TGFBR3: variants seen among roughly 807,000 people sequenced by gnomAD.
TGFBR3 encodes the protein transforming growth factor beta receptor 3.
In TGFBR3, 46 loss-of-function variants were observed where a neutral mutation model predicts 87.9. The ratio of observed to expected loss-of-function variants is 0.52; its 90% confidence interval spans 0.41 to 0.67. TGFBR3 has a LOEUF of 0.67. Ranked by LOEUF, TGFBR3 falls within the 30% of genes least tolerant of loss-of-function variation. The probability of loss-of-function intolerance (pLI) is 0.00; values close to 1 mark genes in which losing one functional copy is unlikely to be tolerated. For synonymous variants in TGFBR3, 381 were observed against 391.6 expected (o/e 0.97, Z 0.32); for missense variants, 866 against 1,041.9 (o/e 0.83, Z 2.32).
chr1:91,720,169 G>A lies in TGFBR3; in HGVS notation c.1137C>T (p.Asp379=). ...TCTGCAGGGCAGGCAGGGCACCAGG[G>A]TCCAGCAGGATCCGTAGCTCAGGAG... ...TIPPELRILL[D]PGALPALQNP... Residue 379 remains aspartate (D), a synonymous_variant, in exon 9 of 17, where the codon GAC becomes GAT. Coordinates refer to ENST00000212355, the MANE Select transcript of TGFBR3 (RefSeq NM_003243.5). 6.2e-7 allele frequency: 1 copy of A among 1,613,468 alleles called. No homozygotes were observed. The highest frequency in any genetic ancestry group is 8.5e-7 in the Non-Finnish European group (1 of 1,179,780).
Position 91,758,865 on chromosome 1 carries a change from A to C in TGFBR3, c.247-115T>G, listed in dbSNP as rs17884263. 6.7e-5 allele frequency: 85 copies of C among 1,265,976 alleles called. No individual in the cohort carries two copies. The African/African-American group carries it at 1.1e-3, about 17-fold the overall frequency. The allele number at this position is 1,265,976 out of a possible 1,614,324, so 78.4% of individuals were successfully genotyped here. The stretch of plus-strand genomic sequence containing the variant: ...CTCACTATCAACAGAAACAAGCTAT[A>C]ATGTAGCTCAGATTCTATGAATAAG... On this transcript the variant is annotated intron_variant, in intron 3 of 16. Transcript: ENST00000212355.
intron 2 of TGFBR3, among the ~76,000 whole-genome samples, chr1:91,895,395 A>C (rs1477680489): frequency 6.6e-6 from 1 of 152,154 alleles, no homozygotes; most frequent in African/African-American, 2.4e-5. Context: ...GGCCTCCCCG[A>C]GAAGTAGATG....
chr1:91,693,687 C>A (rs1299051745), intron 16 of TGFBR3, among the ~76,000 whole-genome samples: 2 of 152,130 alleles, frequency 1.3e-5, no homozygotes, highest in African/African-American at 4.8e-5. Context: ...CAAGGCCAGT[C>A]AGTGGCTGAG....
intron 3 of TGFBR3, among the ~76,000 whole-genome samples, chr1:91,763,627 T>C (rs868166676): frequency 3.3e-5 from 5 of 152,176 alleles, no homozygotes; most frequent in Middle Eastern, 3.2e-3. Context: ...ACAATGTTAG[T>C]AGTAACTGAA....
intron 14 of TGFBR3, among the ~76,000 whole-genome samples, chr1:91,701,928 C>A (rs761307412): frequency 7.2e-5 from 11 of 152,172 alleles, no homozygotes; most frequent in Non-Finnish European, 1.3e-4. Context: ...TTATGATATT[C>A]ATTGCAATTA....
intron 10 of TGFBR3, among the ~76,000 whole-genome samples, chr1:91,718,420 C>T (rs1672250184): frequency 6.6e-6 from 1 of 152,102 alleles, no homozygotes; most frequent in South Asian, 2.1e-4. Flanking sequence ...AGCCACAGCT[C>T]AGCCACCCCA....
chr1:91,725,170 T>C (rs1380693663), intron 7 of TGFBR3, among the ~76,000 whole-genome samples: 1 of 152,194 alleles, frequency 6.6e-6, no homozygotes, highest in African/African-American at 2.4e-5. Flanking sequence ...GCCCACTGCC[T>C]GGCTCTTTGC....
intron 2 of TGFBR3, among the ~76,000 whole-genome samples, chr1:91,845,684 C>T (rs909020999): frequency 2.0e-5 from 3 of 152,104 alleles, no homozygotes; most frequent in Non-Finnish European, 2.9e-5. Context: ...TATACCCTGA[C>T]CTTAAATTGG....
chr1:91,813,993 G>C (rs376702308), intron 2 of TGFBR3, among the ~76,000 whole-genome samples: 3 of 152,164 alleles, frequency 2.0e-5, no homozygotes, highest in East Asian at 1.9e-4. Context: ...TGGAGCTTAG[G>C]CAGTAATGCT....
At chr1:91,802,280 A>G (rs1165828521) in intron 2 of TGFBR3, among the ~76,000 whole-genome samples, 1 of 152,118 alleles carries the variant, frequency 6.6e-6, no homozygotes, top group African/African-American at 2.4e-5. Context: ...AGATTTTCTC[A>G]AACACATCCA....
At chr1:91,755,790 G>A (rs1022762518) in intron 4 of TGFBR3, among the ~76,000 whole-genome samples, 7 of 152,132 alleles carry the variant, frequency 4.6e-5, no homozygotes, top group African/African-American at 1.7e-4. Flanking sequence ...TCCAGGCAGC[G>A]ATAAGTACAA....
chr1:91,746,380 G>A (rs1291161760), intron 4 of TGFBR3, among the ~76,000 whole-genome samples: 1 of 152,166 alleles, frequency 6.6e-6, no homozygotes, highest in Non-Finnish European at 1.5e-5. Context: ...AGGCCACACA[G>A]GAATCCTGTC....
At chr1:91,879,701 G>A (rs1678997752) in intron 1 of TGFBR3, among the ~76,000 whole-genome samples, 1 of 152,172 alleles carries the variant, frequency 6.6e-6, no homozygotes, top group African/African-American at 2.4e-5. Flanking sequence ...CAAGTGGGGA[G>A]GAAGAATGCT....
chr1:91,712,894 A>T (rs538227392), intron 12 of TGFBR3, among the ~76,000 whole-genome samples: 2 of 152,352 alleles, frequency 1.3e-5, no homozygotes, highest in South Asian at 4.1e-4. Flanking sequence ...TAAATAAAAC[A>T]CCAGTAGGCA....
intron 15 of TGFBR3, among the ~76,000 whole-genome samples, chr1:91,696,903 C>T (rs539776462): frequency 2.6e-5 from 4 of 152,158 alleles, no homozygotes; most frequent in East Asian, 1.9e-4. Context: ...TCCAAAGGCT[C>T]GGGGAAAGTA....
At chr1:91,784,309 C>T (rs539254575) in intron 3 of TGFBR3, among the ~76,000 whole-genome samples, 1 of 152,218 alleles carries the variant, frequency 6.6e-6, no homozygotes, top group African/African-American at 2.4e-5. Flanking sequence ...AATAAAGATG[C>T]ACTATGCAAA....
chr1:91,720,190 A>C lies in TGFBR3; in HGVS notation c.1116T>G (p.Pro372=). The C allele has an allele frequency of 6.2e-7, 1 of 1,611,402 alleles. No individual in the cohort carries two copies. Among genetic ancestry groups the C allele is most frequent in the Non-Finnish European group, 8.5e-7 (1 of 1,178,690 alleles). ...MGDEEVHTIP[P]ELRILLDPGA... ...CAGGGTCCAGCAGGATCCGTAGCTC[A>C]GGAGGAATAGTGTGGACTTCCTCAT... The change falls in exon 9 of 17, where the codon CCT becomes CCG. Residue 372 remains proline, a synonymous_variant. Coordinates refer to ENST00000212355, the MANE Select transcript of TGFBR3 (RefSeq NM_003243.5).
At chr1:91,795,431 TA>T (rs1675343082) in intron 3 of TGFBR3, among the ~76,000 whole-genome samples, 1 of 152,218 alleles carries the variant, frequency 6.6e-6, no homozygotes, top group South Asian at 2.1e-4. Flanking sequence ...TGCCAGGTCC[TA>T]AAATGAATCC....
chr1:91,899,668 C>T (rs374956892), exon 2 of TGFBR3: 4 of 152,202 alleles, frequency 2.6e-5, no homozygotes, highest in Non-Finnish European at 4.4e-5. Context: ...GATTCTCTGC[C>T]GTCCCTCTGA....
Sources: allele counts gnomAD v4.1 joint callset (sites outside exome capture counted in the v4.1 genomes callset), GRCh38; gene constraint gnomAD v4.1.1; transcripts MANE v1.5; gene names NCBI Gene and HGNC (gene_info 2026-07-23, HGNC 2026-07-21).